The following GRK4 variants were observed in gnomAD, a reference collection of about 807,000 sequenced individuals.
The protein encoded by GRK4 is G protein-coupled receptor kinase 2-like.
Under a neutral mutation model 77.9 loss-of-function variants are expected in GRK4, and 73 were observed. The ratio of observed to expected loss-of-function variants is 0.94; its 90% CI spans 0.78 to 1.14. The LOEUF (loss-of-function observed/expected upper bound fraction) is 1.14. Among genes scored for constraint, GRK4 ranks in the 50% most tolerant of loss-of-function variants. The pLI is 0.00. For missense variants in GRK4, 729 were observed against 700.2 expected (o/e 1.04, Z -0.46); for synonymous variants, 257 against 254.4 (o/e 1.01, Z -0.10).
At chr4:3,013,858 C>CA (rs1433852705) in intron 8 of GRK4, 30 bp downstream of exon 8, 1 of 1,581,188 alleles carries the variant, frequency 6.3e-7, no homozygotes, top group South Asian at 1.2e-5. Context: ...CTTCACTGTG[C>CA]ATTGTTTGAT....
chr4:3,026,745 C>T lies in GRK4; in HGVS notation c.971-1167C>T, dbSNP rs528962845. Among the ~76,000 whole-genome samples the T allele has an allele frequency of 4.1e-3, 624 of 152,332 alleles. 1 individual carries two copies. The highest frequency in any genetic ancestry group is 6.8e-3 in the Middle Eastern group (2 of 294). ...TCCCAGGGTGGGCGCGCAGCAAGGG[C>T]GGGGTGTGGTGTATCACGTGCATGC... is the stretch of plus-strand genomic sequence containing the variant. On this transcript the variant is annotated intron_variant, in intron 10 of 15. Coordinates refer to ENST00000398052, the MANE Select transcript of GRK4 (RefSeq NM_182982.3).
At chr4:2,995,884 T>C (rs2471336) in intron 4 of GRK4, among the ~76,000 whole-genome samples, 48,237 of 151,856 alleles carry the variant, frequency 0.32, 7,909 homozygotes, top group African/African-American at 0.35. Flanking sequence ...TGGCTATATA[T>C]TGTTGAACTA....
chr4:2,981,670 C>T (rs566841682), intron 1 of GRK4, among the ~76,000 whole-genome samples: 21 of 152,290 alleles, frequency 1.4e-4, no homozygotes, highest in Non-Finnish European at 2.6e-4. Flanking sequence ...GGTCCGTGGG[C>T]GGGCCCAGAA....
At chr4:2,974,740 A>G (rs528118894) in intron 1 of GRK4, among the ~76,000 whole-genome samples, 1 of 152,252 alleles carries the variant, frequency 6.6e-6, no homozygotes, top group Admixed American at 6.5e-5. Flanking sequence ...AAAGTTCTCT[A>G]ATGGTGATTT....
chr4:2,965,350 G>A (rs1717274677), intron 1 of GRK4: 1 of 702,776 alleles, frequency 1.4e-6, no homozygotes, highest in South Asian at 1.5e-5. Flanking sequence ...TCCCTTGCCT[G>A]CGTCTCAAGA....
chr4:3,004,426 C>G, intron 5 of GRK4, 92 bp downstream of exon 5: 1 of 784,110 alleles, frequency 1.3e-6, no homozygotes, highest in Non-Finnish European at 2.1e-6. Flanking sequence ...AAGACAAGTT[C>G]CTAGAGTGTA....
Position 3,040,463 on chromosome 4 carries a change from A to T in GRK4, c.1684-109A>T, listed in dbSNP as rs1337040414. The T allele has an allele frequency of 2.0e-5, 15 of 738,762 alleles. No individual in the cohort carries two copies. The East Asian group carries it at 2.8e-4, about 14-fold the overall frequency. 45.8% of individuals were successfully genotyped at this position (738,762 alleles called of 1,614,324 possible). On this transcript the variant is annotated intron_variant, in intron 15 of 15. Coordinates refer to ENST00000398052, the MANE Select transcript of GRK4 (RefSeq NM_182982.3). Reference sequence around the variant, plus strand: ...CTCAAAAAATAAATAAATAAATAAAAAATAAAAAAGCACCCCCCACCCAAA... The same window carrying T: ...CTCAAAAAATAAATAAATAAATAAATAATAAAAAAGCACCCCCCACCCAAA...
chr4:3,038,675 A>G, intron 15 of GRK4, 162 bp downstream of exon 15: 2 of 638,502 alleles, frequency 3.1e-6, no homozygotes, highest in South Asian at 2.2e-5. Flanking sequence ...GGCCAGCCAG[A>G]ACAATGAGAA....
At chr4:2,999,290 G>C (rs1278309903) in intron 4 of GRK4, among the ~76,000 whole-genome samples, 1 of 152,106 alleles carries the variant, frequency 6.6e-6, no homozygotes, top group African/African-American at 2.4e-5. Flanking sequence ...CTTTTTATCA[G>C]GAACCTGCCG....
intron 15 of GRK4, 93 bp from the exon 16 acceptor site, chr4:3,040,479 C>G: frequency 3.3e-6 from 3 of 895,880 alleles, no homozygotes; most frequent in Non-Finnish European, 5.0e-6. Context: ...AAAAGCACCC[C>G]CCACCCAAAA....
At chr4:2,996,383 C>T (rs2298966) in intron 4 of GRK4, among the ~76,000 whole-genome samples, 55,204 of 151,968 alleles carry the variant, frequency 0.36, 10,495 homozygotes, top group African/African-American at 0.44. Flanking sequence ...GGTGAAACCC[C>T]GTCTCTACTA....
intron 4 of GRK4, among the ~76,000 whole-genome samples, chr4:2,996,695 C>T (rs541905323): frequency 2.6e-5 from 4 of 151,782 alleles, no homozygotes; most frequent in Admixed American, 2.6e-4. Context: ...TATGGGCTGC[C>T]TGGAGATGAT....
At position 2,980,340 on chromosome 4, in the gene GRK4, TC is replaced by T. The variant is rs1365940462; in HGVS notation, c.53-4170del. Among the ~76,000 whole-genome samples, 3 of 152,088 alleles carry T rather than the reference TC, an allele frequency of 2.0e-5. No homozygotes were observed. In the East Asian group the frequency reaches 5.8e-4, roughly 29 times the overall value. ...GGAAAGCCTAGCACCTTGACTTGTT[TC>T]CCTCATCATCCAAGATGGGAACCCG... is the stretch of plus-strand genomic sequence containing the variant. On this transcript the variant is annotated intron_variant, in intron 1 of 15. Transcript: ENST00000398052.
intron 2 of GRK4, among the ~76,000 whole-genome samples, chr4:2,988,280 T>C (rs1394845113): frequency 6.6e-6 from 1 of 152,042 alleles, no homozygotes; most frequent in Non-Finnish European, 1.5e-5. Context: ...ATGAAGTATC[T>C]TACTGTGTTT....
Position 3,038,465 on chromosome 4 carries a change from G to T in GRK4, c.1635G>T (p.Pro545=), listed in dbSNP as rs141974533. Residue 545 remains proline, a synonymous_variant, in exon 15 of 16, where the codon CCG becomes CCT. Coordinates refer to ENST00000398052, the MANE Select transcript of GRK4 (RefSeq NM_182982.3). The part of the protein sequence containing the change: ...PLDLDKNIHT[P]VSRPNRGFFY... ...ATCTAGACAAGAACATACATACCCC[G>T]GTTTCCAGACCAAACAGAGGCTTCT... The T allele has an allele frequency of 1.2e-6, 2 of 1,613,990 alleles. No individual in the cohort carries two copies. The highest frequency in any genetic ancestry group is 2.2e-5 in the East Asian group (1 of 44,876).
chr4:2,991,098 T>G (rs1726033310), intron 3 of GRK4, among the ~76,000 whole-genome samples: 1 of 152,184 alleles, frequency 6.6e-6, no homozygotes, highest in African/African-American at 2.4e-5. Context: ...AAGAGATTTA[T>G]TGCAAGGAAT....
At chr4:2,978,958 G>A (rs1331596858) in intron 1 of GRK4, among the ~76,000 whole-genome samples, 2 of 151,460 alleles carry the variant, frequency 1.3e-5, no homozygotes, top group East Asian at 1.9e-4. Context: ...GGCTGGGCAC[G>A]GTGACTCACG....
intron 8 of GRK4, among the ~76,000 whole-genome samples, 154 bp downstream of exon 8, chr4:3,013,982 TG>T (rs1481522539): frequency 5.3e-5 from 8 of 152,232 alleles, no homozygotes; most frequent in Admixed American, 5.2e-4. Context: ...GTAACAGTTT[TG>T]TTTTTAGTAA....
chr4:3,019,631 C>T lies in GRK4; in HGVS notation c.742-10C>T. On this transcript the variant is annotated splice_polypyrimidine_tract_variant and intron_variant, in intron 8 of 15. Coordinates refer to ENST00000398052, the MANE Select transcript of GRK4 (RefSeq NM_182982.3). Reference sequence around the variant, plus strand: ...TTCGTGTTCTGTTTTTATGATGTTGCTGTCTTTAGGTTAGTTTAGCCTACG... The same window carrying T: ...TTCGTGTTCTGTTTTTATGATGTTGTTGTCTTTAGGTTAGTTTAGCCTACG... 1 of 1,588,926 alleles carries T rather than the reference C, an allele frequency of 6.3e-7. No individual in the cohort carries two copies. The highest frequency in any genetic ancestry group is 1.1e-5 in the South Asian group (1 of 88,050).
Sources: gnomAD v4.1 joint callset for allele counts (sites outside exome capture counted in the v4.1 genomes callset) on GRCh38, gnomAD v4.1.1 for gene constraint, MANE v1.5 for transcripts, NCBI Gene and HGNC (gene_info 2026-07-23, HGNC 2026-07-21) for gene names.